The following NECTIN3 variants were observed in gnomAD, a reference collection of about 807,000 sequenced individuals.
NECTIN3 encodes the protein nectin-3.
Under a neutral mutation model 49.4 loss-of-function variants are expected in NECTIN3, and 8 were observed. That is an observed-to-expected ratio of 0.16 (90% CI 0.10 to 0.29). The LOEUF is 0.29. Among genes scored for constraint, NECTIN3 ranks in the 10% least tolerant of loss-of-function variants. The pLI is 1.00. For synonymous variants in NECTIN3, 277 were observed against 241.1 expected, an observed-to-expected ratio of 1.15 and a Z score of -1.38; for missense variants, 581 against 654.6, an observed-to-expected ratio of 0.89 and a Z score of 1.23.
chr3:111,151,107 T>G (rs2034992813), intron 7 of NECTIN3, among the ~76,000 whole-genome samples: 1 of 151,930 alleles, frequency 6.6e-6, no homozygotes, highest in Non-Finnish European at 1.5e-5. Flanking sequence ...ACACAGTGCT[T>G]GGCACATATA....
chr3:111,178,652 AG>A (rs2035574477), intron 7 of NECTIN3, among the ~76,000 whole-genome samples: 1 of 152,218 alleles, frequency 6.6e-6, no homozygotes, highest in South Asian at 2.1e-4. Flanking sequence ...CATGTGGCAA[AG>A]CTCGCCAGTC....
intron 1 of NECTIN3, among the ~76,000 whole-genome samples, chr3:111,105,980 T>C (rs1411438563): frequency 6.1e-5 from 9 of 148,248 alleles, no homozygotes; most frequent in Non-Finnish European, 1.3e-4. Flanking sequence ...TACTTACCAG[T>C]GCTTTTTTTT....
Position 111,135,181 on chromosome 3 carries a change from G to A in NECTIN3, c.*966G>A. 1.0e-6 allele frequency: 1 copy of A among 981,878 alleles called. No homozygotes were observed. 60.8% of individuals were successfully genotyped at this position (981,878 alleles called of 1,614,324 possible). A position where few individuals can be genotyped will look rare whatever the true frequency, so the allele number is the denominator to read the frequency against. ...GACCATCTTGTTTTAGTTATTTAAT[G>A]TTGATGTTGTTCAAATGGGTAAATG... is the stretch of plus-strand genomic sequence containing the variant. On this transcript the variant is annotated 3_prime_UTR_variant, in exon 6 of 6. Coordinates refer to ENST00000485303, the MANE Select transcript of NECTIN3 (RefSeq NM_015480.3).
chr3:111,121,714 T>C (rs2033963506), intron 3 of NECTIN3, among the ~76,000 whole-genome samples: 1 of 152,206 alleles, frequency 6.6e-6, no homozygotes, highest in South Asian at 2.1e-4. Flanking sequence ...GACTGTTTTA[T>C]ATGGTGACTT....
chr3:111,189,851 A>T (rs909620581), upstream of NECTIN3, among the ~76,000 whole-genome samples: 1 of 152,334 alleles, frequency 6.6e-6, no homozygotes, highest in Middle Eastern at 3.4e-3. Context: ...GGCACCTGCC[A>T]TATGCACCAT....
rs960788401 is a variant in NECTIN3 at position 111,137,151 on chromosome 3, A to G, written c.*2936A>G. The stretch of plus-strand genomic sequence containing the variant: ...GTCATTTTATATGTGAAAACATCTG[A>G]TTTGAGTTTTTGATAAATACTGCTA... On this transcript the variant is annotated 3_prime_UTR_variant, in exon 6 of 6. Coordinates refer to ENST00000485303, the MANE Select transcript of NECTIN3 (RefSeq NM_015480.3). 4 of 963,384 alleles carry G rather than the reference A, an allele frequency of 4.2e-6. No homozygotes were observed. The highest frequency in any genetic ancestry group is 9.6e-5 in the South Asian group (2 of 20,862). The allele number at this position is 963,384 out of a possible 1,614,324, so 59.7% of individuals were successfully genotyped here. A position where few individuals can be genotyped will look rare whatever the true frequency, so the allele number is the denominator to read the frequency against.
intron 1 of NECTIN3, among the ~76,000 whole-genome samples, chr3:111,106,769 G>T (rs1282981189): frequency 6.6e-6 from 1 of 152,112 alleles, no homozygotes; most frequent in Non-Finnish European, 1.5e-5. Flanking sequence ...AGTCTGAAAG[G>T]ATTCATATCT....
rs185356579 is a variant in NECTIN3, at chr3:111,162,946, A to G, written c.1221+15462A>G. Among the ~76,000 whole-genome samples, 12 of 152,232 alleles carry G rather than the reference A, an allele frequency of 7.9e-5. No homozygotes were observed. The East Asian group carries it at 1.9e-3, about 25-fold the overall frequency. Reference sequence around the variant, plus strand: ...TTTGGCTTTCTATTGCTGTATAGCAACCTAAATTTAGTGGCTTTAATGAAC... The same window carrying G: ...TTTGGCTTTCTATTGCTGTATAGCAGCCTAAATTTAGTGGCTTTAATGAAC... On this transcript the variant is annotated intron_variant, in intron 7 of 8. Transcript: ENST00000493615.
chr3:111,102,738 A>AT (rs1291243747), intron 1 of NECTIN3, among the ~76,000 whole-genome samples: 2 of 151,676 alleles, frequency 1.3e-5, no homozygotes, highest in Non-Finnish European at 2.9e-5. Context: ...GGTCATCTAG[A>AT]TTTTTTTTGC....
chr3:111,192,421 A>C (rs1162982321), intron 1 of NECTIN3: 1 of 1,533,450 alleles, frequency 6.5e-7, no homozygotes, highest in Non-Finnish European at 8.7e-7. Flanking sequence ...TCTGTAAGTA[A>C]CTGTGTTGTC....
At chr3:111,166,038 A>G (rs2035312730) in intron 7 of NECTIN3, among the ~76,000 whole-genome samples, 1 of 152,134 alleles carries the variant, frequency 6.6e-6, no homozygotes, top group Admixed American at 6.5e-5. Flanking sequence ...AATTTCAGGG[A>G]TTTAAAACAA....
At chr3:111,187,150 C>A (rs2035734279) in intron 7 of NECTIN3, among the ~76,000 whole-genome samples, 1 of 152,118 alleles carries the variant, frequency 6.6e-6, no homozygotes, top group Admixed American at 6.6e-5. Context: ...ATACCTCACA[C>A]CTGTAATCCC....
chr3:111,077,066 T>C (rs954130055), intron 1 of NECTIN3: 17 of 172,510 alleles, frequency 9.9e-5, no homozygotes, highest in Non-Finnish European at 1.8e-4. Flanking sequence ...ACTTATCAAT[T>C]ACAAATTTTA....
At chr3:111,073,589 T>A (rs962422795) in intron 1 of NECTIN3, 34 of 152,334 alleles carry the variant, frequency 2.2e-4, no homozygotes, top group African/African-American at 8.0e-4. Flanking sequence ...CTTTTTAAAT[T>A]GATGCCAGAG....
At chr3:111,073,091 G>A (rs2030915917) in intron 1 of NECTIN3, 1 of 152,144 alleles carries the variant, frequency 6.6e-6, no homozygotes, top group Admixed American at 6.5e-5. Flanking sequence ...GTAATTAATG[G>A]GAGGCAGCGA....
chr3:111,083,905 T>C (rs1664865215), intron 1 of NECTIN3, among the ~76,000 whole-genome samples: 1 of 152,324 alleles, frequency 6.6e-6, no homozygotes, highest in Admixed American at 6.5e-5. Context: ...AAACTGGATG[T>C]TGTTGTTGCC....
intron 4 of NECTIN3, 59 bp downstream of exon 4, chr3:111,122,297 AT>A: frequency 1.5e-6 from 2 of 1,312,364 alleles, no homozygotes; most frequent in Non-Finnish European, 2.2e-6. Flanking sequence ...TTAAATCCCC[AT>A]TCTAAATTGT....
At chr3:111,081,323 C>G (rs906481836) in intron 1 of NECTIN3, among the ~76,000 whole-genome samples, 1 of 152,184 alleles carries the variant, frequency 6.6e-6, no homozygotes, top group African/African-American at 2.4e-5. Flanking sequence ...AGAAAAACCA[C>G]AACCCTACAA....
intron 7 of NECTIN3, among the ~76,000 whole-genome samples, chr3:111,167,375 A>T (rs1021062641): frequency 6.6e-6 from 1 of 152,178 alleles, no homozygotes; most frequent in Non-Finnish European, 1.5e-5. Flanking sequence ...TACTATCTGA[A>T]ACAACATGCA....
Sources: allele counts gnomAD v4.1 joint callset (sites outside exome capture counted in the v4.1 genomes callset), GRCh38; gene constraint gnomAD v4.1.1; transcripts MANE v1.5; gene names NCBI Gene and HGNC (gene_info 2026-07-23, HGNC 2026-07-21).